The following LRRC36 variants were observed in gnomAD, a reference collection of about 807,000 sequenced individuals.
LRRC36 encodes the protein leucine-rich repeat-containing protein 36.
LRRC36 carries 62 observed loss-of-function variants against 81.1 expected under a neutral mutation model. The observed-to-expected ratio is 0.76, with a 90% CI of 0.62 to 0.94. The LOEUF (loss-of-function observed/expected upper bound fraction) is 0.94, where lower values mean the gene tolerates loss of function less well. LRRC36 is among the 40% of genes least tolerant of loss of function. The pLI is 0.00. For missense variants in LRRC36, 761 were observed against 881.7 expected (o/e 0.86, Z 1.73); for synonymous variants, 334 against 348.6 (o/e 0.96, Z 0.47).
At chr16:67,356,655 G>A (rs371032827) in intron 5 of LRRC36, among the ~76,000 whole-genome samples, 1 of 152,134 alleles carries the variant, frequency 6.6e-6, no homozygotes, top group East Asian at 1.9e-4. Context: ...AGCTAATTAG[G>A]TCACAAGTCA....
intron 2 of LRRC36, among the ~76,000 whole-genome samples, chr16:67,345,884 T>C (rs928362536): frequency 2.0e-5 from 3 of 151,934 alleles, no homozygotes; most frequent in Admixed American, 6.6e-5. Flanking sequence ...GGAGAGGGGT[T>C]GGGACAAAAG....
Position 67,366,899 on chromosome 16 carries a change from C to T in LRRC36, c.755-118C>T, listed in dbSNP as rs74461598. 3,285 of 764,496 alleles carry T rather than the reference C, an allele frequency of 4.3e-3. 16 individuals are homozygous for T. Among genetic ancestry groups the T allele is most frequent in the Non-Finnish European group, 4.2e-3 (1,988 of 469,640 alleles). The allele number at this position is 764,496 out of a possible 1,614,324, so 47.4% of individuals were successfully genotyped here. A position where few individuals can be genotyped will look rare whatever the true frequency, so the allele number is the denominator to read the frequency against. ...TACCATTGATCAGAATTATAAACCA[C>T]CTCTTCCTGAGAGGTGTTTCTGGCA... On this transcript the variant is annotated intron_variant, in intron 7 of 13. Coordinates refer to ENST00000329956, the MANE Select transcript of LRRC36 (RefSeq NM_018296.6).
Position 67,346,456 on chromosome 16 carries a change from C to G in LRRC36, c.391+8C>G. ...AAACTCTGGAGAAATTAGGTAAGAC[C>G]TTCCTTCTCTGTTCCTGTCCACAGA... On this transcript the variant is annotated splice_region_variant and intron_variant, in intron 3 of 13. Transcript: ENST00000329956. 1 of 1,546,718 alleles carries G rather than the reference C, an allele frequency of 6.5e-7. No homozygotes were observed. The highest frequency in any genetic ancestry group is 8.8e-7 in the Non-Finnish European group (1 of 1,133,404).
intron 1 of LRRC36, among the ~76,000 whole-genome samples, chr16:67,330,025 A>G (rs1567461614): frequency 6.6e-6 from 1 of 152,094 alleles, no homozygotes; most frequent in African/African-American, 2.4e-5. Flanking sequence ...TTTCCCTCGC[A>G]TTTTCAATTG....
chr16:67,354,403 G>A (rs547446963), intron 5 of LRRC36, among the ~76,000 whole-genome samples: 2 of 151,986 alleles, frequency 1.3e-5, no homozygotes, highest in Non-Finnish European at 1.5e-5. Flanking sequence ...TCACCTGCCC[G>A]AATACCTGGG....
chr16:67,350,135 A>G (rs1237833414), intron 4 of LRRC36, 67 bp from the exon 5 acceptor site: 1 of 1,073,074 alleles, frequency 9.3e-7, no homozygotes, highest in Non-Finnish European at 1.4e-6. Flanking sequence ...TCTAAATAGC[A>G]TTTACTGGTG....
intron 2 of LRRC36, among the ~76,000 whole-genome samples, chr16:67,343,028 A>G (rs1472893318): frequency 6.6e-6 from 1 of 152,234 alleles, no homozygotes; most frequent in Non-Finnish European, 1.5e-5. Flanking sequence ...ATTTTTTAGC[A>G]GCCATTTATA....
intron 7 of LRRC36, among the ~76,000 whole-genome samples, chr16:67,365,820 A>C (rs951545275): frequency 6.6e-6 from 1 of 152,162 alleles, no homozygotes; most frequent in African/African-American, 2.4e-5. Context: ...CCTGACTTAT[A>C]TGTTGTTATT....
intron 8 of LRRC36, 23 bp downstream of exon 8, chr16:67,367,480 C>T (rs542742725): frequency 6.3e-7 from 1 of 1,584,618 alleles, no homozygotes; most frequent in Admixed American, 1.8e-5. Flanking sequence ...TGTCAGTTTA[C>T]AGGTCTTCTT....
intron 11 of LRRC36, among the ~76,000 whole-genome samples, chr16:67,377,236 C>T (rs1317692456): frequency 6.6e-6 from 1 of 152,182 alleles, no homozygotes; most frequent in Non-Finnish European, 1.5e-5. Context: ...GAGCCCTGAA[C>T]CAGGGGCTAA....
At chr16:67,361,665 C>T (rs1489543654) in intron 5 of LRRC36, among the ~76,000 whole-genome samples, 5 of 151,948 alleles carry the variant, frequency 3.3e-5, no homozygotes, top group African/African-American at 9.7e-5. Flanking sequence ...CTCTGCTTCC[C>T]GGGTTCAAGC....
intron 9 of LRRC36, chr16:67,372,002 A>G (rs904031330): frequency 2.0e-5 from 3 of 152,436 alleles, no homozygotes; most frequent in African/African-American, 7.2e-5. Flanking sequence ...TTTAGTTCAG[A>G]GAATGATTTA....
intron 5 of LRRC36, among the ~76,000 whole-genome samples, chr16:67,351,738 G>A (rs1441304893): frequency 1.3e-5 from 2 of 152,018 alleles, no homozygotes; most frequent in Non-Finnish European, 1.5e-5. Context: ...ACATAATGAG[G>A]TGTGACTTTA....
chr16:67,352,941 C>T (rs1211022897), intron 5 of LRRC36, among the ~76,000 whole-genome samples: 1 of 152,208 alleles, frequency 6.6e-6, no homozygotes, highest in South Asian at 2.1e-4. Flanking sequence ...CCCCCCTCAG[C>T]CTCCCAAAGT....
chr16:67,357,127 T>C (rs912001459), intron 5 of LRRC36, among the ~76,000 whole-genome samples: 24 of 152,154 alleles, frequency 1.6e-4, no homozygotes, highest in Non-Finnish European at 3.1e-4. Context: ...TCCTGGAGGA[T>C]ACGAAAATAA....
At chr16:67,363,157 T>C (rs1014631660) in intron 5 of LRRC36, among the ~76,000 whole-genome samples, 4 of 152,210 alleles carry the variant, frequency 2.6e-5, no homozygotes, top group South Asian at 2.1e-4. Context: ...CAGTGCTGAC[T>C]GCTGATTAGT....
chr16:67,380,506 CT>C (rs1351995786), intron 12 of LRRC36, among the ~76,000 whole-genome samples: 1 of 152,186 alleles, frequency 6.6e-6, no homozygotes, highest in Non-Finnish European at 1.5e-5. Flanking sequence ...CTTAGCACCC[CT>C]AAGCAAATTA....
At chr16:67,381,114 C>T (rs923424941) in intron 12 of LRRC36, among the ~76,000 whole-genome samples, 8 of 151,284 alleles carry the variant, frequency 5.3e-5, no homozygotes, top group African/African-American at 1.7e-4. Context: ...ATCCCAGCTA[C>T]TCAGGAGGCT....
At position 67,347,554 on chromosome 16, in the gene LRRC36, G is replaced by A. The variant is rs2038410932; in HGVS notation, c.451G>A (p.Gly151Ser). ...KAAKLHFSQLGNSENFLLEVE... is the reference protein window; with the variant it reads ...KAAKLHFSQLSNSENFLLEVE... ...TGCCAAGCTGCATTTTAGTCAGTTG[G>A]GCAACAGTGAAAATTTTCTTTTAGA... The change falls in exon 4 of 14, where the codon GGC becomes AGC. Residue 151 changes from glycine to serine, a missense_variant. Gly to Ser is a moderately conservative substitution (Grantham distance 56, BLOSUM62 0). Transcript: ENST00000329956. 1 of 1,612,808 alleles carries A rather than the reference G, an allele frequency of 6.2e-7. No individual in the cohort carries two copies. The highest frequency in any genetic ancestry group is 2.2e-5 in the East Asian group (1 of 44,870).
Sources: allele counts gnomAD v4.1 joint callset (sites outside exome capture counted in the v4.1 genomes callset), GRCh38; gene constraint gnomAD v4.1.1; transcripts MANE v1.5; gene names NCBI Gene and HGNC (gene_info 2026-07-23, HGNC 2026-07-21).